PYHIN1: variants seen among roughly 807,000 people sequenced by gnomAD.
PYHIN1 encodes the protein pyrin and HIN domain-containing protein 1.
In PYHIN1, 32 loss-of-function variants were observed where a neutral mutation model predicts 43.7. The ratio of observed to expected loss-of-function variants is 0.73; its 90% CI spans 0.55 to 0.98. The LOEUF is 0.98. PYHIN1 is among the 50% of genes least tolerant of loss of function. The pLI, the probability that PYHIN1 is intolerant of heterozygous loss-of-function variation, is 0.00. For missense variants in PYHIN1, 588 were observed against 589.5 expected, an observed-to-expected ratio of 1.00 and a Z score of 0.03; for synonymous variants, 205 against 203.1, an observed-to-expected ratio of 1.01 and a Z score of -0.08.
intron 5 of PYHIN1, 59 bp downstream of exon 5, chr1:158,942,458 CTGATG>C: frequency 7.4e-7 from 1 of 1,358,416 alleles, no homozygotes; most frequent in Admixed American, 2.3e-5. Flanking sequence ...ATTAAAAGCC[CTGATG>C]TGCTAAATGG....
chr1:158,976,752 G>T lies in PYHIN1; in HGVS notation c.*57G>T. ...ACTACTGTTCAATCTTTACTCAAGT[G>T]TGGAAATTTTGCCTGAAGTCCTCCA... On this transcript the variant is annotated 3_prime_UTR_variant, in exon 9 of 9. Coordinates refer to ENST00000368140, the MANE Select transcript of PYHIN1 (RefSeq NM_152501.5). 11 of 1,597,114 alleles carry T rather than the reference G, an allele frequency of 6.9e-6. No homozygotes were observed. The South Asian group carries it at 1.3e-4, about 18-fold the overall frequency.
In PYHIN1 at chr1:158,944,994, G is replaced by T. The variant is rs1394426007; in HGVS notation, c.1311G>T (p.Lys437Asn). 1.9e-6 allele frequency: 3 copies of T among 1,613,802 alleles called. No individual in the cohort carries two copies. Among genetic ancestry groups the T allele is most frequent in the Admixed American group, 3.3e-5 (2 of 59,988 alleles). Residue 437 changes from lysine (K) to asparagine (N), a missense_variant, in exon 7 of 9, where the codon AAG becomes AAT. Coordinates refer to ENST00000368140, the MANE Select transcript of PYHIN1 (RefSeq NM_152501.5). ...CAACCCTACCTGAAAGCCATCTCAA[G>T]ACTCCTCAGATGCCACCAACAACCC... ...ASTTLPESHLKTPQMPPTTPS... is the reference protein window; with the variant it reads ...ASTTLPESHLNTPQMPPTTPS...
chr1:158,937,194 C>T lies in PYHIN1; in HGVS notation c.265+19C>T. ...TTAAAAGGTAATTGGGAAGAGGGAA[C>T]ACCCACTCCCTGCAATGATCCCCAC... On this transcript the variant is annotated intron_variant, in intron 2 of 8. Transcript: ENST00000368140. The T allele has an allele frequency of 6.4e-7, 1 of 1,550,526 alleles. No individual in the cohort carries two copies. The highest frequency in any genetic ancestry group is 8.7e-7 in the Non-Finnish European group (1 of 1,152,178).
At chr1:158,957,690 C>G (rs1650033125) in intron 7 of PYHIN1, among the ~76,000 whole-genome samples, 1 of 143,484 alleles carries the variant, frequency 7.0e-6, no homozygotes, top group Admixed American at 7.0e-5. Context: ...AGGACATAGG[C>G]ATGGGCAAGG....
intron 7 of PYHIN1, among the ~76,000 whole-genome samples, chr1:158,965,541 C>T (rs1395096217): frequency 6.6e-6 from 1 of 152,086 alleles, no homozygotes; most frequent in African/African-American, 2.4e-5. Context: ...TCATACCAAC[C>T]ACCTTCTCAG....
chr1:158,979,626 A>G (rs1459333997), downstream of PYHIN1, among the ~76,000 whole-genome samples: 1 of 152,172 alleles, frequency 6.6e-6, no homozygotes, highest in Non-Finnish European at 1.5e-5. Context: ...TAATACTGTA[A>G]TGTACATGGG....
chr1:158,988,032 C>G, the PYHIN1 span, among the ~76,000 whole-genome samples: 1 of 152,176 alleles, frequency 6.6e-6, no homozygotes, highest in African/African-American at 2.4e-5. Flanking sequence ...TTTCATCAAA[C>G]CGCTAGAACC....
chr1:158,935,316 T>C (rs146302985), intron 1 of PYHIN1, among the ~76,000 whole-genome samples: 1 of 146,350 alleles, frequency 6.8e-6, no homozygotes, highest in Admixed American at 6.8e-5. Context: ...AAAAAAAGAA[T>C]GCAGATTATT....
rs1438278095 is a variant in PYHIN1, at chr1:158,976,947, A to G, written c.*252A>G. ...TATTAATTCTAGGAAATGGAGTATT[A>G]AGGGTGCATTTTATTTCATTAGTTT... is the stretch of plus-strand genomic sequence containing the variant. On this transcript the variant is annotated 3_prime_UTR_variant, in exon 9 of 9. Coordinates refer to ENST00000368140, the MANE Select transcript of PYHIN1 (RefSeq NM_152501.5). The G allele has an allele frequency of 4.2e-6, 1 of 235,602 alleles. No individual in the cohort carries two copies. Among genetic ancestry groups the G allele is most frequent in the Non-Finnish European group, 7.8e-6 (1 of 127,494 alleles). The allele number at this position is 235,602 out of a possible 1,614,324, so 14.6% of individuals were successfully genotyped here. A position where few individuals can be genotyped will look rare whatever the true frequency, so the allele number is the denominator to read the frequency against.
intron 1 of PYHIN1, among the ~76,000 whole-genome samples, chr1:158,934,638 G>A (rs971068445): frequency 2.0e-5 from 3 of 152,060 alleles, no homozygotes; most frequent in African/African-American, 4.8e-5. Context: ...CAAGAAGAAA[G>A]CAATTAACAG....
chr1:158,966,985 C>G (rs1375899837), intron 7 of PYHIN1, among the ~76,000 whole-genome samples: 1 of 152,112 alleles, frequency 6.6e-6, no homozygotes, highest in Admixed American at 6.6e-5. Context: ...CAGAAAAGCT[C>G]TTTGATCTCA....
chr1:158,932,321 C>A (rs1648213041), intron 1 of PYHIN1, among the ~76,000 whole-genome samples: 1 of 152,068 alleles, frequency 6.6e-6, no homozygotes, highest in Non-Finnish European at 1.5e-5. Flanking sequence ...AAGGTGGGAG[C>A]AGTATGTGGG....
intron 7 of PYHIN1, among the ~76,000 whole-genome samples, chr1:158,969,100 C>T (rs747470068): frequency 6.6e-6 from 1 of 151,950 alleles, no homozygotes. Flanking sequence ...CAAATCCAGC[C>T]TTAATGAACT....
intron 7 of PYHIN1, among the ~76,000 whole-genome samples, chr1:158,950,222 A>G (rs1649454364): frequency 6.6e-6 from 1 of 152,216 alleles, no homozygotes; most frequent in South Asian, 2.1e-4. Flanking sequence ...TAAAAAAGGA[A>G]CAATACCCTA....
intron 7 of PYHIN1, among the ~76,000 whole-genome samples, chr1:158,952,031 A>G (rs1437004145): frequency 1.3e-5 from 2 of 151,160 alleles, no homozygotes; most frequent in Non-Finnish European, 2.9e-5. Context: ...CCGCCTGCGG[A>G]GCTGGAGAGC....
chr1:158,971,488 A>ATCC (rs1339292561), intron 7 of PYHIN1, among the ~76,000 whole-genome samples: 3 of 151,826 alleles, frequency 2.0e-5, no homozygotes, highest in African/African-American at 7.3e-5. Context: ...AACGGTTGTG[A>ATCC]TTGCTGTTGG....
chr1:158,955,304 T>C (rs1442449211), intron 7 of PYHIN1, among the ~76,000 whole-genome samples: 2 of 151,734 alleles, frequency 1.3e-5, no homozygotes, highest in Non-Finnish European at 2.9e-5. Flanking sequence ...TATACATTTT[T>C]TTCAGCACCA....
chr1:158,972,781 A>G (rs1651007757), intron 7 of PYHIN1, among the ~76,000 whole-genome samples: 1 of 152,092 alleles, frequency 6.6e-6, no homozygotes, highest in African/African-American at 2.4e-5. Flanking sequence ...ACCTCCTGAT[A>G]ACCCCATCCA....
chr1:158,945,875 A>T (rs1051824738), intron 7 of PYHIN1, among the ~76,000 whole-genome samples: 1 of 152,172 alleles, frequency 6.6e-6, no homozygotes, highest in African/African-American at 2.4e-5. Context: ...CTTCATAACC[A>T]TCAAGAGGAT....
Sources: allele counts gnomAD v4.1 joint callset (sites outside exome capture counted in the v4.1 genomes callset), GRCh38; gene constraint gnomAD v4.1.1; transcripts MANE v1.5; gene names NCBI Gene and HGNC (gene_info 2026-07-23, HGNC 2026-07-21).